SLC35F3: variants seen among roughly 807,000 people sequenced by gnomAD.
SLC35F3 encodes putative thiamine transporter SLC35F3.
A neutral mutation model predicts 49.9 loss-of-function variants in SLC35F3; 25 were observed. That is an observed-to-expected ratio of 0.50 (90% CI 0.37 to 0.70). The LOEUF (loss-of-function observed/expected upper bound fraction) is 0.70, where lower values mean the gene tolerates loss of function less well. Ranked by LOEUF, SLC35F3 falls within the 30% of genes least tolerant of loss-of-function variation. The pLI, the probability that SLC35F3 is intolerant of heterozygous loss-of-function variation, is 0.00. For missense variants in SLC35F3, 525 were observed against 639.8 expected, an observed-to-expected ratio of 0.82 and a Z score of 1.94; for synonymous variants, 275 against 265.4, an observed-to-expected ratio of 1.04 and a Z score of -0.35.
intron 2 of SLC35F3, among the ~76,000 whole-genome samples, chr1:234,097,032 A>G (rs1190962728): frequency 7.9e-5 from 12 of 151,732 alleles, no homozygotes; most frequent in Non-Finnish European, 8.8e-5. Context: ...TGGGATTATG[A>G]GCATGCGCCA....
At chr1:233,976,543 A>C (rs1406218644) in intron 2 of SLC35F3, among the ~76,000 whole-genome samples, 1 of 152,070 alleles carries the variant, frequency 6.6e-6, no homozygotes, top group Non-Finnish European at 1.5e-5. Context: ...TTTTATTGCT[A>C]TGTCATTTAA....
At chr1:234,139,951 T>TAATAAATAAAATAA (rs1665868204) in intron 2 of SLC35F3, among the ~76,000 whole-genome samples, 1 of 90,564 alleles carries the variant, frequency 1.1e-5, no homozygotes, top group Non-Finnish European at 2.3e-5. Context: ...CATCTCAAAA[T>TAATAAATAAAATAA]AATAAAATAA....
At chr1:233,922,005 G>C (rs532799182) in intron 2 of SLC35F3, among the ~76,000 whole-genome samples, 21 of 152,296 alleles carry the variant, frequency 1.4e-4, no homozygotes, top group Admixed American at 1.4e-3. Flanking sequence ...GTATTCCATG[G>C]TGTATATGTG....
intron 2 of SLC35F3, among the ~76,000 whole-genome samples, chr1:234,161,262 C>A (rs998405637): frequency 6.6e-6 from 1 of 152,200 alleles, no homozygotes; most frequent in Admixed American, 6.5e-5. Context: ...ATGATCCCAA[C>A]TTTACAGATG....
intron 2 of SLC35F3, among the ~76,000 whole-genome samples, chr1:234,121,180 A>G (rs1228628636): frequency 7.9e-6 from 1 of 126,966 alleles, no homozygotes; most frequent in South Asian, 2.5e-4. Context: ...TGTGTGGCCC[A>G]GGCTGGACTG....
chr1:234,090,285 G>T (rs1665022385), intron 2 of SLC35F3, among the ~76,000 whole-genome samples: 1 of 152,262 alleles, frequency 6.6e-6, no homozygotes, highest in African/African-American at 2.4e-5. Context: ...CCTTAGAATG[G>T]GTAAGAGCTA....
intron 2 of SLC35F3, among the ~76,000 whole-genome samples, chr1:233,952,960 T>C (rs1347977817): frequency 1.3e-5 from 2 of 152,162 alleles, no homozygotes; most frequent in Non-Finnish European, 2.9e-5. Context: ...CCACCCTCTT[T>C]AAAATAGTAG....
rs760028108 is a variant in SLC35F3 at position 234,027,805 on chromosome 1, A to G, written c.283+122047A>G. The stretch of plus-strand genomic sequence containing the variant: ...CACTGGGTATTTAGCAGGGAACACA[A>G]TGAACCATTTCCACACTCTCAGAGC... On this transcript the variant is annotated intron_variant, in intron 2 of 7. Coordinates refer to ENST00000366618, the MANE Select transcript of SLC35F3 (RefSeq NM_173508.4). This position sits in a 1 kb window ranked among gnomAD's most constrained non-coding sequence, Gnocchi z 4.1. Among the ~76,000 whole-genome samples the G allele has an allele frequency of 2.6e-5, 4 of 152,190 alleles. No individual in the cohort carries two copies. The highest frequency in any genetic ancestry group is 1.9e-4 in the East Asian group (1 of 5,192).
intron 3 of SLC35F3, among the ~76,000 whole-genome samples, chr1:234,238,251 T>C (rs1667505030): frequency 6.6e-6 from 1 of 152,142 alleles, no homozygotes; most frequent in African/African-American, 2.4e-5. Flanking sequence ...TAAGGCAAAA[T>C]ACCATGCCCC....
intron 2 of SLC35F3, among the ~76,000 whole-genome samples, chr1:233,920,474 A>G (rs1362288687): frequency 6.6e-6 from 1 of 152,206 alleles, no homozygotes; most frequent in African/African-American, 2.4e-5. Flanking sequence ...GTTGTCTGAA[A>G]TGAATGGAAG....
At chr1:234,312,237 T>C (rs1657373978) in intron 4 of SLC35F3, among the ~76,000 whole-genome samples, 1 of 152,052 alleles carries the variant, frequency 6.6e-6, no homozygotes, top group African/African-American at 2.4e-5. Flanking sequence ...GGTGAGATTC[T>C]CCGATTGTTC....
intron 3 of SLC35F3, among the ~76,000 whole-genome samples, chr1:234,238,594 A>G (rs1667510276): frequency 6.6e-6 from 1 of 152,076 alleles, no homozygotes; most frequent in Admixed American, 6.6e-5. Context: ...AGATTAGCTC[A>G]TTTATTTTTC....
Position 234,324,204 on chromosome 1 carries a change from T to A in SLC35F3, c.*961T>A, listed in dbSNP as rs1657700592. 6.6e-6 allele frequency: 1 copy of A among 152,232 alleles called. No individual in the cohort carries two copies. The highest frequency in any genetic ancestry group is 6.5e-5 in the Admixed American group (1 of 15,286). The allele number at this position is 152,232 out of a possible 1,614,324, so 9.4% of individuals were successfully genotyped here. A position where few individuals can be genotyped will look rare whatever the true frequency, so the allele number is the denominator to read the frequency against. On this transcript the variant is annotated 3_prime_UTR_variant, in exon 8 of 8. Coordinates refer to ENST00000366618, the MANE Select transcript of SLC35F3 (RefSeq NM_173508.4). ...ATTTACTGAAATCTGTAAACCTTTT[T>A]ATGAAACTTTTAAGCACCAGGCTGT...
At chr1:234,261,615 G>C (rs971246158) in intron 3 of SLC35F3, 4 of 152,226 alleles carry the variant, frequency 2.6e-5, no homozygotes, top group Non-Finnish European at 4.4e-5. Flanking sequence ...TTATCAGCAG[G>C]GTCTTTGTGA....
chr1:234,137,534 A>C (rs1349994321), intron 2 of SLC35F3, among the ~76,000 whole-genome samples: 1 of 152,228 alleles, frequency 6.6e-6, no homozygotes, highest in African/African-American at 2.4e-5. Context: ...AAGAGAGCTC[A>C]TGGAACGCCT....
chr1:233,951,509 G>A (rs901112597), intron 2 of SLC35F3, among the ~76,000 whole-genome samples: 2 of 151,942 alleles, frequency 1.3e-5, no homozygotes, highest in African/African-American at 4.8e-5. Flanking sequence ...GTTTAGATAT[G>A]TTTAGATGCA....
intron 2 of SLC35F3, among the ~76,000 whole-genome samples, chr1:234,074,421 A>G (rs1338577334): frequency 1.3e-5 from 2 of 152,234 alleles, no homozygotes; most frequent in Non-Finnish European, 2.9e-5. Context: ...GCAAATAGAC[A>G]TAGATATTGA....
intron 2 of SLC35F3, among the ~76,000 whole-genome samples, chr1:234,061,147 T>C (rs1478045432): frequency 1.3e-5 from 2 of 152,218 alleles, no homozygotes; most frequent in Non-Finnish European, 2.9e-5. Context: ...CTCGTAAGTC[T>C]TGTCTTCTAG....
intron 2 of SLC35F3, among the ~76,000 whole-genome samples, chr1:234,081,904 ATTTTTTTTTTTTTTTT>A (rs781469880): frequency 7.7e-5 from 3 of 39,214 alleles, no homozygotes; most frequent in African/African-American, 2.7e-4. Flanking sequence ...TGCCTGGCTA[ATTTTTTTTTTTTTTTT>A]TTTTTTTTTT....
Sources: allele counts gnomAD v4.1 joint callset (sites outside exome capture counted in the v4.1 genomes callset), GRCh38; gene constraint gnomAD v4.1.1; non-coding constraint Gnocchi (gnomAD v3.1); transcripts MANE v1.5; gene names NCBI Gene and HGNC (gene_info 2026-07-23, HGNC 2026-07-21).